Variants in ZPBP observed in about 807,000 individuals in gnomAD.
The protein encoded by ZPBP is zona pellucida binding protein.
ZPBP carries 26 observed loss-of-function variants against 44.8 expected under a neutral mutation model. The ratio of observed to expected loss-of-function variants is 0.58; its 90% CI spans 0.43 to 0.81. The LOEUF (loss-of-function observed/expected upper bound fraction) is 0.81, where lower values mean the gene tolerates loss of function less well. Ranked by LOEUF, ZPBP falls within the 30% of genes least tolerant of loss-of-function variation. The pLI, the probability that ZPBP is intolerant of heterozygous loss-of-function variation, is 0.00. For synonymous variants in ZPBP, 174 were observed against 153.2 expected (o/e 1.14, Z -1.00); for missense variants, 409 against 434.0 (o/e 0.94, Z 0.51).
downstream of ZPBP, among the ~76,000 whole-genome samples, chr7:49,932,726 A>G (rs1208715079): frequency 6.6e-6 from 1 of 152,042 alleles, no homozygotes; most frequent in African/African-American, 2.4e-5. Context: ...GTGAAACTAT[A>G]TGGTTTAGCT....
intron 6 of ZPBP, among the ~76,000 whole-genome samples, chr7:50,018,031 A>C (rs1254200960): frequency 6.6e-6 from 1 of 152,098 alleles, no homozygotes; most frequent in East Asian, 1.9e-4. Flanking sequence ...TCATATAACC[A>C]ATTACAAAAG....
chr7:50,077,568 CA>C (rs1377350574), intron 3 of ZPBP, among the ~76,000 whole-genome samples: 7 of 151,550 alleles, frequency 4.6e-5, no homozygotes, highest in Non-Finnish European at 1.0e-4. Flanking sequence ...AATAATCTGA[CA>C]AAGAAAATTG....
At chr7:50,005,823 ATGTGTGTGTGTGTGTGTG>A (rs71018444) in intron 6 of ZPBP, among the ~76,000 whole-genome samples, 38,764 of 144,906 alleles carry the variant, frequency 0.27, 6,189 homozygotes, top group Non-Finnish European at 0.37. Flanking sequence ...ATAACTATAT[ATGTGTGTGTGTGTGTGTG>A]TGTGTGTGTG....
intron 2 of ZPBP, among the ~76,000 whole-genome samples, chr7:49,877,479 AAAAT>A (rs1269323768): frequency 7.7e-3 from 98 of 12,686 alleles, no homozygotes; most frequent in Middle Eastern, 0.033. Context: ...AAAAAAAAAA[AAAAT>A]ATATATATAT....
intron 1 of ZPBP, chr7:49,917,848 A>T (rs1793806202): frequency 6.6e-6 from 1 of 152,146 alleles, no homozygotes; most frequent in Non-Finnish European, 1.5e-5. Flanking sequence ...TTATGGAAAG[A>T]TTTCATTTTT....
chr7:49,901,629 A>G (rs1792732532), intron 1 of ZPBP, among the ~76,000 whole-genome samples: 1 of 151,920 alleles, frequency 6.6e-6, no homozygotes. Flanking sequence ...ATTGTTGAGC[A>G]ATAGATTCAA....
intron 4 of ZPBP, among the ~76,000 whole-genome samples, chr7:50,053,482 C>A (rs1355037): frequency 6.6e-6 from 1 of 152,040 alleles, no homozygotes; most frequent in African/African-American, 2.4e-5. Flanking sequence ...TCTTGTGTAT[C>A]ACTTACAGCC....
chr7:50,001,047 T>C lies in ZPBP; in HGVS notation c.783+17193A>G, dbSNP rs143053058. Among the ~76,000 whole-genome samples the C allele has an allele frequency of 2.0e-3, 303 of 152,232 alleles. 1 individual carries two copies. Among genetic ancestry groups the C allele is most frequent in the African/African-American group, 7.0e-3 (292 of 41,552 alleles). ...AAGACATGGCCATCTGCATGCCAAA[T>C]AGACAGGCCCTTGGCAGAAACCAAC... On this transcript the variant is annotated intron_variant, in intron 6 of 7. Transcript: ENST00000046087.
At chr7:50,063,669 C>T (rs181556419) in intron 3 of ZPBP, among the ~76,000 whole-genome samples, 26 of 152,260 alleles carry the variant, frequency 1.7e-4, no homozygotes, top group African/African-American at 6.0e-4. Context: ...GGCCAACTTT[C>T]ACATTCTAGC....
intron 7 of ZPBP, among the ~76,000 whole-genome samples, chr7:49,978,486 T>C (rs1354488248): frequency 1.3e-5 from 2 of 152,102 alleles, no homozygotes; most frequent in African/African-American, 4.8e-5. Context: ...AAGCTTTCTC[T>C]TCCAGAAGGA....
chr7:49,965,840 A>T (rs1447310369), intron 7 of ZPBP, among the ~76,000 whole-genome samples: 1 of 152,110 alleles, frequency 6.6e-6, no homozygotes. Context: ...AATTAATAAT[A>T]TATACTATAA....
chr7:49,969,850 GAA>G (rs1364185378), intron 7 of ZPBP, among the ~76,000 whole-genome samples: 7 of 57,316 alleles, frequency 1.2e-4, no homozygotes, highest in Admixed American at 6.5e-4. Flanking sequence ...GAGAGAAAGA[GAA>G]AGAGAGAGAG....
Position 49,928,371 on chromosome 7 carries a change from T to C in ZPBP, n.411+7380A>G, listed in dbSNP as rs570874742. On this transcript the variant is annotated intron_variant and non_coding_transcript_variant, in intron 1 of 2. Coordinates refer to the ZPBP transcript ENST00000465922. ...CTATGCCTCTGATCAGTGGGCCAAA[T>C]TGTTGACTTATTGCTTAAAAATCTG... Among the ~76,000 whole-genome samples, 2 of 152,310 alleles carry C rather than the reference T, an allele frequency of 1.3e-5. 1 individual carries two copies. Among genetic ancestry groups the C allele is most frequent in the East Asian group, 3.9e-4 (2 of 5,178 alleles).
intron 4 of ZPBP, among the ~76,000 whole-genome samples, chr7:50,048,030 G>A (rs1800474988): frequency 6.6e-6 from 1 of 152,046 alleles, no homozygotes; most frequent in Non-Finnish European, 1.5e-5. Context: ...GGTAACTGAG[G>A]GTGAAAGGAA....
intron 2 of ZPBP, among the ~76,000 whole-genome samples, chr7:49,872,967 A>T (rs1284305303): frequency 6.6e-6 from 1 of 150,746 alleles, no homozygotes; most frequent in Non-Finnish European, 1.5e-5. Flanking sequence ...TTGGTATCCA[A>T]ATAAATAATT....
chr7:49,974,892 T>C (rs1463801905), intron 7 of ZPBP, among the ~76,000 whole-genome samples: 1 of 996 alleles, frequency 1.0e-3, no homozygotes, highest in Admixed American at 0.012. Context: ...AATGCCCCAT[T>C]GAGGAGTGGA....
intron 4 of ZPBP, among the ~76,000 whole-genome samples, chr7:50,050,505 T>A (rs1161600554): frequency 6.6e-6 from 1 of 151,952 alleles, no homozygotes. Context: ...GGAGGAAGAA[T>A]AACCTTTTCA....
At chr7:49,856,684 C>T (rs1790429336) in intron 2 of ZPBP, among the ~76,000 whole-genome samples, 1 of 152,124 alleles carries the variant, frequency 6.6e-6, no homozygotes, top group Admixed American at 6.6e-5. Context: ...ATATCCATCA[C>T]CTCCAAAAGT....
intron 4 of ZPBP, among the ~76,000 whole-genome samples, chr7:50,045,944 C>G (rs1419802921): frequency 1.3e-5 from 2 of 152,194 alleles, no homozygotes; most frequent in Non-Finnish European, 2.9e-5. Flanking sequence ...GGTACCAAAA[C>G]AGATATGTAG....
Sources: gnomAD v4.1 joint callset for allele counts (sites outside exome capture counted in the v4.1 genomes callset) on GRCh38, gnomAD v4.1.1 for gene constraint, MANE v1.5 for transcripts, NCBI Gene and HGNC (gene_info 2026-07-23, HGNC 2026-07-21) for gene names.